DSP: variants seen among roughly 807,000 people sequenced by gnomAD.
The protein encoded by DSP is 250/210 kDa paraneoplastic pemphigus antigen.
In DSP, 114 loss-of-function variants were observed where a neutral mutation model predicts 290.6. The observed-to-expected ratio is 0.39, with a 90% confidence interval of 0.34 to 0.46. DSP has a LOEUF of 0.46. DSP is among the 20% of genes least tolerant of loss of function. The probability of loss-of-function intolerance (pLI) is 0.99; values close to 1 mark genes in which losing one functional copy is unlikely to be tolerated. For missense variants in DSP, 3,230 were observed against 3,495.8 expected, an observed-to-expected ratio of 0.92 and a Z score of 1.92; for synonymous variants, 1,311 against 1,316.4, an observed-to-expected ratio of 1.00 and a Z score of 0.09.
chr6:7,557,260 A>C (rs1758529274), intron 2 of DSP, among the ~76,000 whole-genome samples: 1 of 152,218 alleles, frequency 6.6e-6, no homozygotes. Flanking sequence ...AAAATAGTAC[A>C]AAGGGGTCTC....
intron 1 of DSP, among the ~76,000 whole-genome samples, chr6:7,545,451 G>A (rs927596104): frequency 6.6e-6 from 1 of 152,170 alleles, no homozygotes; most frequent in Admixed American, 6.5e-5. Flanking sequence ...CCTCACCTTG[G>A]TTTTCCCTGT....
chr6:7,580,496 A>C lies in DSP; in HGVS notation c.4306A>C (p.Thr1436Pro). 1 of 1,614,118 alleles carries C rather than the reference A, an allele frequency of 6.2e-7. No individual in the cohort carries two copies. The highest frequency in any genetic ancestry group is 8.5e-7 in the Non-Finnish European group (1 of 1,180,010). ...VEEDIQQQKA[T>P]GSEVSQRKQQ... ...AGAAGACATCCAACAGCAAAAGGCC[A>C]CTGGCTCTGAGGTGTCTCAGAGGAA... The change falls in exon 23 of 24, where the codon ACT becomes CCT. Residue 1436 changes from threonine (T) to proline (P), a missense_variant. Physicochemically the swap from Thr to Pro is conservative, Grantham distance 38. Around this residue, in one of 5 missense-constraint regions of DSP, gnomAD observed 1,714 missense variants for 1,844.5 expected, o/e 0.93. Coordinates refer to ENST00000379802, the MANE Select transcript of DSP (RefSeq NM_004415.4). The surrounding 1 kb of genome is among the most constrained non-coding windows in gnomAD (Gnocchi z 4.2).
At chr6:7,545,057 TCA>T (rs1437867162) in intron 1 of DSP, among the ~76,000 whole-genome samples, 1 of 152,222 alleles carries the variant, frequency 6.6e-6, no homozygotes, top group Non-Finnish European at 1.5e-5. Context: ...TAACAAAGTC[TCA>T]CAGTTAGATC....
Position 7,579,993 on chromosome 6 carries a change from G to A in DSP, c.3803G>A (p.Arg1268Lys). Reference sequence around the variant, plus strand: ...ATCTTGCAGGCCACTGAGCAGCGAAGGCGAGCTGAAGAAAACGCCCTTCAG... The same window carrying A: ...ATCTTGCAGGCCACTGAGCAGCGAAAGCGAGCTGAAGAAAACGCCCTTCAG... ...DSILQATEQR[R>K]RAEENALQQK... Residue 1268 changes from arginine to lysine, a missense_variant, in exon 23 of 24, where the codon AGG (arginine) becomes AAG (lysine). Coordinates refer to ENST00000379802, the MANE Select transcript of DSP (RefSeq NM_004415.4). The surrounding 1 kb of genome is among the most constrained non-coding windows in gnomAD (Gnocchi z 4.1). 1 of 1,614,130 alleles carries A rather than the reference G, an allele frequency of 6.2e-7. No homozygotes were observed. The highest frequency in any genetic ancestry group is 1.1e-5 in the South Asian group (1 of 91,078).
intron 1 of DSP, among the ~76,000 whole-genome samples, chr6:7,554,969 G>A (rs1166585310): frequency 6.6e-6 from 1 of 152,136 alleles, no homozygotes; most frequent in African/African-American, 2.4e-5. Flanking sequence ...TTTTTGTAGA[G>A]TAAGCTTTTT....
chr6:7,548,084 T>C (rs1021168020), intron 1 of DSP, among the ~76,000 whole-genome samples: 1 of 151,918 alleles, frequency 6.6e-6, no homozygotes, highest in African/African-American at 2.4e-5. Context: ...CTAGCCAATA[T>C]GGTGAAACCC....
At position 7,562,664 on chromosome 6, in the gene DSP, A is replaced by T; in HGVS notation, c.610A>T (p.Met204Leu). Reference protein sequence around the residue: ...WMRQQRAEMDMVAWGVDLASV... With the variant: ...WMRQQRAEMDLVAWGVDLASV... ...CTTTGTGTCGCAGGCGGAGATGGAC[A>T]TGGTGGCCTGGGGTGTGGACCTGGC... The change falls in exon 5 of 24, where the codon ATG becomes TTG. Residue 204 changes from methionine (M) to leucine (L), a missense_variant. Physicochemically the swap from Met to Leu is conservative, Grantham distance 15. This residue lies in a region of DSP where 646 missense variants were observed against 684.3 expected (regional missense o/e 0.94). Transcript: ENST00000379802. 6.2e-7 allele frequency: 1 copy of T among 1,614,136 alleles called. No homozygotes were observed. Among genetic ancestry groups the T allele is most frequent in the Admixed American group, 1.7e-5 (1 of 60,022 alleles).
rs373685989 is a variant in DSP at position 7,558,244 on chromosome 6, C to T, written c.402C>T (p.Pro134=). ...GAGAGATGCGGCAGATGGGCCAGCC[C>T]TGTGATGCTTACCAGAAAAGGTATT... ...LIREMRQMGQ[P]CDAYQKRLLQ... is the part of the protein sequence containing the mutation. Residue 134 remains proline, a synonymous_variant, in exon 3 of 24, where the codon CCC becomes CCT. Transcript: ENST00000379802. 2.5e-6 allele frequency: 4 copies of T among 1,614,166 alleles called. No individual in the cohort carries two copies. In the African/African-American group the frequency reaches 5.3e-5, roughly 22 times the overall value.
Position 7,580,033 on chromosome 6 carries a change from C to T in DSP, c.3843C>T (p.Gly1281=), listed in dbSNP as rs757848395. 1.7e-5 allele frequency: 28 copies of T among 1,613,958 alleles called. No individual in the cohort carries two copies. Among genetic ancestry groups the T allele is most frequent in the Non-Finnish European group, 2.4e-5 (28 of 1,180,044 alleles). Residue 1281 remains glycine, a synonymous_variant, in exon 23 of 24, where the codon GGC becomes GGT. Transcript: ENST00000379802. The surrounding 1 kb of genome is among the most constrained non-coding windows in gnomAD (Gnocchi z 4.2). ...EENALQQKAC[G]SEIMQKKQHL... is the part of the protein sequence containing the mutation. ...ACGCCCTTCAGCAAAAGGCCTGTGG[C>T]TCTGAGATAATGCAGAAGAAGCAGC...
intron 1 of DSP, among the ~76,000 whole-genome samples, chr6:7,554,671 G>T (rs1758452747): frequency 1.3e-5 from 2 of 152,094 alleles, no homozygotes; most frequent in South Asian, 4.2e-4. Context: ...TACAGACAGG[G>T]TCTCACTCTG....
Position 7,559,497 on chromosome 6 carries a change from C to A in DSP, c.597+97C>A, listed in dbSNP as rs1290934073. ...TTTGTGTGACAAAGAGTCTTCTAGACCTCAGGTGGCGGCAGCAGCTTGCTG... is the reference window on the plus strand; with the variant it reads ...TTTGTGTGACAAAGAGTCTTCTAGAACTCAGGTGGCGGCAGCAGCTTGCTG... On this transcript the variant is annotated intron_variant, in intron 4 of 23. Transcript: ENST00000379802. 2.7e-6 allele frequency: 4 copies of A among 1,493,404 alleles called. No individual in the cohort carries two copies. In the African/African-American group the frequency reaches 5.5e-5, roughly 21 times the overall value. 92.5% of individuals were successfully genotyped at this position (1,493,404 alleles called of 1,614,324 possible).
At chr6:7,557,725 C>T (rs1758541917) in intron 2 of DSP, among the ~76,000 whole-genome samples, 1 of 150,602 alleles carries the variant, frequency 6.6e-6, no homozygotes, top group African/African-American at 2.5e-5. Context: ...ACATTATGTT[C>T]TCATAAGGTA....
rs992731463 is a variant in DSP at position 7,583,497 on chromosome 6, G to C, written c.6235G>C (p.Asp2079His). 4 of 1,614,026 alleles carry C rather than the reference G, an allele frequency of 2.5e-6. No individual in the cohort carries two copies. Among genetic ancestry groups the C allele is most frequent in the African/African-American group, 2.7e-5 (2 of 74,904 alleles). Residue 2079 changes from aspartate to histidine, a missense_variant, in exon 24 of 24, where the codon GAC becomes CAC. Physicochemically the swap from Asp to His is moderately conservative, Grantham distance 81. This residue lies in a region of DSP where 1,714 missense variants were observed against 1,844.5 expected (regional missense o/e 0.93). Transcript: ENST00000379802. This position sits in a 1 kb window ranked among gnomAD's most constrained non-coding sequence, Gnocchi z 4.0. ...CAGTGCCATAGCTCGGGACCTCATT[G>C]ACTTCGATGACCGTCAGCAGATATA... ...VDSAIARDLIDFDDRQQIYAA... is the reference protein window; with the variant it reads ...VDSAIARDLIHFDDRQQIYAA...
chr6:7,575,216 G>A (rs1021036007), intron 17 of DSP, 79 bp from the exon 18 acceptor site: 27 of 1,450,538 alleles, frequency 1.9e-5, no homozygotes, highest in South Asian at 9.4e-5. Context: ...AAACTTTGCC[G>A]CCCAATTTGG....
rs1220191244 is a variant in DSP, at chr6:7,580,374, T to C, written c.4184T>C (p.Ile1395Thr). 1.2e-6 allele frequency: 2 copies of C among 1,614,086 alleles called. No homozygotes were observed. The highest frequency in any genetic ancestry group is 1.7e-6 in the Non-Finnish European group (2 of 1,180,012). ...EEDTSGYRAQIDNLTRENRSL... is the reference protein window; with the variant it reads ...EEDTSGYRAQTDNLTRENRSL... ...GATACCAGTGGCTACCGGGCTCAGATAGACAATCTCACCCGAGAAAACAGG... is the reference window on the plus strand; with the variant it reads ...GATACCAGTGGCTACCGGGCTCAGACAGACAATCTCACCCGAGAAAACAGG... The change falls in exon 23 of 24, where the codon ATA (isoleucine) becomes ACA (threonine). Residue 1395 changes from isoleucine to threonine, a missense_variant. Ile to Thr is a moderately conservative substitution (Grantham distance 89, BLOSUM62 -1). This residue lies in a region of DSP where 1,714 missense variants were observed against 1,844.5 expected (regional missense o/e 0.93). Transcript: ENST00000379802. This position sits in a 1 kb window ranked among gnomAD's most constrained non-coding sequence, Gnocchi z 4.2.
Position 7,541,758 on chromosome 6 carries a change from C to CG in DSP, c.-155dup. The CG allele has an allele frequency of 1.1e-6, 1 of 922,676 alleles. No individual in the cohort carries two copies. Among genetic ancestry groups the CG allele is most frequent in the Admixed American group, 3.2e-5 (1 of 31,514 alleles). 57.2% of individuals were successfully genotyped at this position (922,676 alleles called of 1,614,324 possible). A position where few individuals can be genotyped will look rare whatever the true frequency, so the allele number is the denominator to read the frequency against. On this transcript the variant is annotated 5_prime_UTR_variant, in exon 1 of 24. Coordinates refer to ENST00000379802, the MANE Select transcript of DSP (RefSeq NM_004415.4). ...GCCGTCTCCGCGCTCGCAGCGGCCT[C>CG]GGGAGGGCCCAGGTAGCGAGCAGCG...
chr6:7,567,953 G>C, intron 10 of DSP, 47 bp downstream of exon 10: 2 of 1,608,264 alleles, frequency 1.2e-6, no homozygotes, highest in Non-Finnish European at 1.7e-6. Context: ...TGATCAGGGA[G>C]ATAAAACACA....
At chr6:7,551,933 G>A (rs1157752898) in intron 1 of DSP, among the ~76,000 whole-genome samples, 1 of 152,022 alleles carries the variant, frequency 6.6e-6, no homozygotes, top group African/African-American at 2.4e-5. Context: ...TCCTTTTCTC[G>A]CCTCGGTCTG....
At chr6:7,571,176 CAAA>C (rs200091877) in intron 13 of DSP, among the ~76,000 whole-genome samples, 21 of 74,526 alleles carry the variant, frequency 2.8e-4, no homozygotes, top group Non-Finnish European at 2.9e-4. Flanking sequence ...ATTCTGTAGG[CAAA>C]AAAAAAAAAA....
Sources: allele counts gnomAD v4.1 joint callset (sites outside exome capture counted in the v4.1 genomes callset), GRCh38; gene constraint gnomAD v4.1.1; regional missense constraint gnomAD v4.1.1; non-coding constraint Gnocchi (gnomAD v3.1); transcripts MANE v1.5; gene names NCBI Gene and HGNC (gene_info 2026-07-23, HGNC 2026-07-21).